ACCS: variants seen among roughly 807,000 people sequenced by gnomAD.
The protein encoded by ACCS is 1-aminocyclopropane-1-carboxylate synthase homolog (inactive).
ACCS carries 42 observed loss-of-function variants against 59.8 expected under a neutral mutation model. The ratio of observed to expected loss-of-function variants is 0.70; its 90% CI spans 0.55 to 0.91. The LOEUF is 0.91. Among genes scored for constraint, ACCS ranks in the 40% least tolerant of loss-of-function variants. The pLI is 0.00. For synonymous variants in ACCS, 230 were observed against 240.3 expected (o/e 0.96, Z 0.40); for missense variants, 602 against 630.4 (o/e 0.95, Z 0.48).
At chr11:44,075,904 G>A (rs1953339324) in intron 6 of ACCS, 1 of 277,298 alleles carries the variant, frequency 3.6e-6, no homozygotes, top group Non-Finnish European at 6.8e-6. Context: ...GTCGTGCCGT[G>A]CCTGTCTCTT....
chr11:44,076,710 G>T (rs1953378651), intron 6 of ACCS, among the ~76,000 whole-genome samples: 1 of 152,240 alleles, frequency 6.6e-6, no homozygotes, highest in Non-Finnish European at 1.5e-5. Flanking sequence ...CTTAGCAAAT[G>T]TTAGCTGTTA....
intron 3 of ACCS, chr11:44,073,244 G>A: frequency 3.2e-6 from 2 of 616,242 alleles, no homozygotes; most frequent in South Asian, 1.8e-5. Context: ...CCACTTGCTA[G>A]CTCTGTGACC....
intron 2 of ACCS, 101 bp from the exon 3 acceptor site, chr11:44,071,155 A>T: frequency 8.3e-7 from 1 of 1,201,496 alleles, no homozygotes; most frequent in Non-Finnish European, 1.2e-6. Context: ...GTGGGATTGT[A>T]GAGAGCTCCC....
At chr11:44,074,966 A>T (rs1439295945) in intron 5 of ACCS, among the ~76,000 whole-genome samples, 1 of 151,558 alleles carries the variant, frequency 6.6e-6, no homozygotes, top group Admixed American at 6.6e-5. Context: ...GTGGGATTAC[A>T]GGCATGCACC....
intron 6 of ACCS, 78 bp from the exon 7 acceptor site, chr11:44,077,200 AG>A: frequency 6.8e-7 from 1 of 1,460,142 alleles, no homozygotes; most frequent in South Asian, 1.3e-5. Context: ...AGGCTTGGAG[AG>A]GGACTGGGGA....
intron 10 of ACCS, among the ~76,000 whole-genome samples, chr11:44,080,350 C>T (rs1953582072): frequency 6.6e-6 from 1 of 152,164 alleles, no homozygotes; most frequent in Admixed American, 6.5e-5. Context: ...TTAGCCTTCT[C>T]TTCTTGTCCT....
At chr11:44,080,951 G>A in intron 10 of ACCS, 69 bp from the exon 11 acceptor site, 1 of 1,591,744 alleles carries the variant, frequency 6.3e-7, no homozygotes, top group South Asian at 1.1e-5. Context: ...CTCTTCATTT[G>A]TTCAACCAAA....
At chr11:44,081,697 T>A (rs1021457629) in intron 12 of ACCS, among the ~76,000 whole-genome samples, 4 of 152,210 alleles carry the variant, frequency 2.6e-5, no homozygotes, top group African/African-American at 9.6e-5. Flanking sequence ...GGGTCGAGCA[T>A]GGAGGTTCAT....
At chr11:44,073,092 T>C (rs1405618674) in intron 3 of ACCS, among the ~76,000 whole-genome samples, 1 of 152,212 alleles carries the variant, frequency 6.6e-6, no homozygotes, top group Non-Finnish European at 1.5e-5. Context: ...CAGTATCTTC[T>C]ATCACCCCAT....
chr11:44,066,699 G>C lies in ACCS; in HGVS notation c.-3G>C. On this transcript the variant is annotated splice_region_variant and 5_prime_UTR_variant, in exon 1 of 15. Transcript: ENST00000263776. ...CGGACCTGGGCTGTCGGGAGAGCTGGAGGTGAGCGCTCTTGGGAGAGCCCA... is the reference window on the plus strand; with the variant it reads ...CGGACCTGGGCTGTCGGGAGAGCTGCAGGTGAGCGCTCTTGGGAGAGCCCA... 6.6e-6 allele frequency: 1 copy of C among 152,322 alleles called. No homozygotes were observed. The highest frequency in any genetic ancestry group is 1.5e-5 in the Non-Finnish European group (1 of 68,124). The allele number at this position is 152,322 out of a possible 1,614,324, so 9.4% of individuals were successfully genotyped here. A position where few individuals can be genotyped will look rare whatever the true frequency, so the allele number is the denominator to read the frequency against.
intron 9 of ACCS, 87 bp downstream of exon 9, chr11:44,078,871 G>A (rs1953503219): frequency 8.7e-7 from 1 of 1,149,656 alleles, no homozygotes; most frequent in South Asian, 1.3e-5. Flanking sequence ...CTACTCTCTT[G>A]ACCCCACTGT....
At chr11:44,067,427 C>T (rs1952840533) in intron 1 of ACCS, 1 of 564,188 alleles carries the variant, frequency 1.8e-6, no homozygotes, top group South Asian at 2.4e-5. Context: ...GTCCCTGGCA[C>T]GTACTAGGTC....
At chr11:44,081,458 G>A (rs1473109530) in intron 12 of ACCS, 138 bp downstream of exon 12, 2 of 1,367,056 alleles carry the variant, frequency 1.5e-6, no homozygotes, top group East Asian at 2.5e-5. Context: ...GCCCCGACTG[G>A]GTCCATACCC....
chr11:44,074,295 A>G (rs79425863), intron 4 of ACCS, among the ~76,000 whole-genome samples: 1,568 of 152,350 alleles, frequency 0.01, 30 homozygotes, highest in African/African-American at 0.036. Flanking sequence ...AAATATGAGC[A>G]ACAATAATGG....
At chr11:44,072,811 G>T (rs775253388) in intron 3 of ACCS, among the ~76,000 whole-genome samples, 2 of 152,290 alleles carry the variant, frequency 1.3e-5, no homozygotes, top group Non-Finnish European at 2.9e-5. Context: ...GGCTCTAAGG[G>T]AGGAAGGGAG....
rs1369347973 is a variant in ACCS, at chr11:44,067,816, G to A, written c.189G>A (p.Leu63=). 1.2e-6 allele frequency: 2 copies of A among 1,614,116 alleles called. No homozygotes were observed. The highest frequency in any genetic ancestry group is 1.7e-6 in the Non-Finnish European group (2 of 1,180,006). ...TGATCTCCTCTGATACCTCCTACCT[G>A]TCCTCTAGAGGAAGAATGATTAAAT... ...PAMISSDTSY[L]SSRGRMIKWF... Residue 63 remains leucine, a synonymous_variant, in exon 2 of 15, where the codon CTG becomes CTA. Transcript: ENST00000263776.
At position 44,078,693 on chromosome 11, in the gene ACCS, G is replaced by A; in HGVS notation, c.742G>A (p.Val248Ile). 2 of 1,613,992 alleles carry A rather than the reference G, an allele frequency of 1.2e-6. No homozygotes were observed. Among genetic ancestry groups the A allele is most frequent in the Non-Finnish European group, 1.7e-6 (2 of 1,179,992 alleles). The change falls in exon 9 of 15, where the codon GTC (valine) becomes ATC (isoleucine). Residue 248 changes from valine to isoleucine, a missense_variant. Val to Ile is a conservative substitution (Grantham distance 29, BLOSUM62 3). Coordinates refer to ENST00000263776, the MANE Select transcript of ACCS (RefSeq NM_032592.4). ...LREAHSEGVK[V>I]KGLILISPQN... Reference sequence around the variant, plus strand: ...TAACGGATGGTTTCAGGGTGTGAAGGTCAAAGGCCTCATCCTCATCAGCCC... The same window carrying A: ...TAACGGATGGTTTCAGGGTGTGAAGATCAAAGGCCTCATCCTCATCAGCCC...
chr11:44,075,146 G>A (rs1953292739), intron 5 of ACCS, among the ~76,000 whole-genome samples: 1 of 152,060 alleles, frequency 6.6e-6, no homozygotes, highest in Non-Finnish European at 1.5e-5. Flanking sequence ...CTTTGGGCTG[G>A]CCTGAGAGTA....
At chr11:44,075,182 C>T (rs1216578578) in intron 5 of ACCS, among the ~76,000 whole-genome samples, 2 of 152,174 alleles carry the variant, frequency 1.3e-5, no homozygotes, top group Non-Finnish European at 2.9e-5. Flanking sequence ...CTGCCCTTCA[C>T]ATAGTTTTGA....
Sources: gnomAD v4.1 joint callset for allele counts (sites outside exome capture counted in the v4.1 genomes callset) on GRCh38, gnomAD v4.1.1 for gene constraint, MANE v1.5 for transcripts, NCBI Gene and HGNC (gene_info 2026-07-23, HGNC 2026-07-21) for gene names.